The following IL3RA variants were observed in gnomAD, a reference collection of about 807,000 sequenced individuals.
IL3RA encodes interleukin 3 receptor subunit alpha.
IL3RA carries 73 observed loss-of-function variants against 52.3 expected under a neutral mutation model. The observed-to-expected ratio is 1.40, with a 90% CI of 1.16 to 1.70. The LOEUF (loss-of-function observed/expected upper bound fraction) is 1.70, where lower values mean the gene tolerates loss of function less well. IL3RA is among the 40% of genes most tolerant of loss of function. IL3RA has a pLI of 0.00. For synonymous variants in IL3RA, 260 were observed against 194.0 expected (o/e 1.34, Z -2.83); for missense variants, 664 against 504.4 (o/e 1.32, Z -3.03).
intron 10 of IL3RA, among the ~76,000 whole-genome samples, chrX:1,380,196 T>C (rs1393928864): frequency 6.8e-6 from 1 of 147,184 alleles, no homozygotes; most frequent in Non-Finnish European, 1.5e-5. Flanking sequence ...GCCCAGATAA[T>C]TTTGTATTTT....
intron 1 of IL3RA, among the ~76,000 whole-genome samples, chrX:1,337,644 G>T (rs1254572673): frequency 6.8e-6 from 1 of 147,618 alleles, no homozygotes; most frequent in Non-Finnish European, 1.5e-5. Context: ...ATCTATAGAC[G>T]AATGGATAAA....
chrX:1,382,331 G>A (rs2089221678), intron 11 of IL3RA, 60 bp from the exon 12 acceptor site: 2 of 1,146,052 alleles, frequency 1.7e-6, no homozygotes, highest in African/African-American at 2.9e-5. Flanking sequence ...CGCAGATCAG[G>A]ACGTGGGCTC....
intron 1 of IL3RA, among the ~76,000 whole-genome samples, chrX:1,339,566 G>GT (rs2085408382): frequency 6.6e-6 from 1 of 152,136 alleles, no homozygotes; most frequent in Admixed American, 6.6e-5. Context: ...GGCCAAGGCG[G>GT]GTGGATCATG....
intron 9 of IL3RA, among the ~76,000 whole-genome samples, chrX:1,368,838 G>A (rs1459070212): frequency 1.6e-4 from 8 of 49,300 alleles, no homozygotes; most frequent in Non-Finnish European, 1.4e-4. Flanking sequence ...TTTCTAAGCC[G>A]CCCAGCCTCT....
At chrX:1,351,307 G>A (rs1274628695) in intron 4 of IL3RA, among the ~76,000 whole-genome samples, 2 of 150,008 alleles carry the variant, frequency 1.3e-5, no homozygotes, top group East Asian at 3.9e-4. Flanking sequence ...AAATACAAAA[G>A]GCACTCTAAA....
At chrX:1,349,888 G>A (rs7891737) in intron 4 of IL3RA, among the ~76,000 whole-genome samples, 1 of 151,542 alleles carries the variant, frequency 6.6e-6, no homozygotes, top group African/African-American at 2.4e-5. Flanking sequence ...TCCTGACCTT[G>A]TGATCCACCC....
intron 3 of IL3RA, among the ~76,000 whole-genome samples, chrX:1,347,220 T>C (rs17885844): frequency 0.01 from 1,500 of 149,148 alleles, 71 homozygotes; most frequent in African/African-American, 0.035. Context: ...CCGAGGCGGG[T>C]GGATCACGAG....
intron 3 of IL3RA, among the ~76,000 whole-genome samples, chrX:1,345,908 G>C (rs1164199737): frequency 6.6e-6 from 1 of 152,024 alleles, no homozygotes; most frequent in Admixed American, 6.6e-5. Context: ...TCAGGTGTGG[G>C]ATTTGAAGTG....
chrX:1,337,327 C>T (rs1414285381), intron 1 of IL3RA, among the ~76,000 whole-genome samples: 1 of 152,164 alleles, frequency 6.6e-6, no homozygotes, highest in Non-Finnish European at 1.5e-5. Context: ...TGAGCTCACG[C>T]CCAGGGCGAG....
chrX:1,345,769 C>T (rs1412651642), intron 3 of IL3RA, among the ~76,000 whole-genome samples: 38 of 151,868 alleles, frequency 2.5e-4, no homozygotes, highest in African/African-American at 9.2e-4. Flanking sequence ...GGATTACAGG[C>T]GCGAGTCACC....
rs773007894 is a variant in IL3RA at position 1,348,482 on chromosome X, A to G, written c.235A>G (p.Thr79Ala). The G allele has an allele frequency of 1.9e-6, 3 of 1,613,918 alleles. No homozygotes were observed. The highest frequency in any genetic ancestry group is 2.2e-5 in the East Asian group (1 of 44,878). Residue 79 changes from threonine to alanine, a missense_variant, in exon 4 of 12, where the codon ACC becomes GCC. Physicochemically the swap from Thr to Ala is moderately conservative, Grantham distance 58 (BLOSUM62 0). Transcript: ENST00000331035. ...TGGAGCAATTTCCTTATGTGAAGTG[A>G]CCAACTACACCGTCCGAGTGGCCAA... ...QFGAISLCEV[T>A]NYTVRVANPP...
intron 8 of IL3RA, among the ~76,000 whole-genome samples, chrX:1,363,343 C>A (rs1346035545): frequency 6.7e-6 from 1 of 149,196 alleles, no homozygotes. Context: ...CTCTGTCACC[C>A]AGGCTGGAGT....
chrX:1,339,429 C>G (rs1358180672), intron 1 of IL3RA, among the ~76,000 whole-genome samples: 1 of 152,202 alleles, frequency 6.6e-6, no homozygotes, highest in African/African-American at 2.4e-5. Flanking sequence ...TCAGCTTTTT[C>G]CAGGCTCACC....
intron 9 of IL3RA, among the ~76,000 whole-genome samples, chrX:1,376,713 A>C (rs6645241): frequency 0.22 from 14,200 of 63,224 alleles, 1,534 homozygotes; most frequent in African/African-American, 0.36. Context: ...CCTGGATCTC[A>C]GACCTCCAGC....
chrX:1,355,457 GTA>G (rs2086630622), intron 6 of IL3RA, among the ~76,000 whole-genome samples: 1 of 127,080 alleles, frequency 7.9e-6, no homozygotes, highest in African/African-American at 3.0e-5. Flanking sequence ...GACCAGGAGG[GTA>G]GGAGGAGGGG....
intron 8 of IL3RA, among the ~76,000 whole-genome samples, chrX:1,361,801 C>G (rs1376528744): frequency 6.6e-6 from 1 of 150,742 alleles, no homozygotes; most frequent in East Asian, 1.9e-4. Flanking sequence ...AAAGGTTTCC[C>G]TTATTAAACC....
At chrX:1,368,841 C>A (rs1181698190) in intron 9 of IL3RA, among the ~76,000 whole-genome samples, 1 of 43,486 alleles carries the variant, frequency 2.3e-5, no homozygotes, top group Non-Finnish European at 3.9e-5. Flanking sequence ...CTAAGCCGCC[C>A]AGCCTCTGGT....
In IL3RA at chrX:1,360,160, TCTCC is replaced by T. The variant is rs766110029; in HGVS notation, c.759+1282_759+1285del. On this transcript the variant is annotated intron_variant, in intron 8 of 11. Coordinates refer to ENST00000331035, the MANE Select transcript of IL3RA (RefSeq NM_002183.4). Reference sequence around the variant, plus strand: ...GTCTGTCTCTGTGTCTCTCTCCCTTTCTCCCTCCCTCCATCTTTCTCTCTCTCTC... The same window carrying T: ...GTCTGTCTCTGTGTCTCTCTCCCTTTCTCCCTCCATCTTTCTCTCTCTCTC... Among the ~76,000 whole-genome samples the T allele has an allele frequency of 9.0e-3, 1,101 of 121,716 alleles. 5 individuals are homozygous for T. Among genetic ancestry groups the T allele is most frequent in the African/African-American group, 0.01 (348 of 33,434 alleles). The allele number at this position is 121,716 out of a possible 152,430, so 79.9% of individuals were successfully genotyped here.
At chrX:1,378,627 C>T (rs757282297) in intron 9 of IL3RA, 32 bp from the exon 10 acceptor site, 55 of 1,585,076 alleles carry the variant, frequency 3.5e-5, no homozygotes, top group African/African-American at 6.7e-5. Flanking sequence ...GGACGGCCCC[C>T]GGTCTGTGAC....
Sources: gnomAD v4.1 joint callset for allele counts (sites outside exome capture counted in the v4.1 genomes callset) on GRCh38, gnomAD v4.1.1 for gene constraint, MANE v1.5 for transcripts, NCBI Gene and HGNC (gene_info 2026-07-23, HGNC 2026-07-21) for gene names.